TTLL11: variants seen among roughly 807,000 people sequenced by gnomAD.
The protein encoded by TTLL11 is tubulin polyglutamylase TTLL11.
In TTLL11, 42 loss-of-function variants were observed where a neutral mutation model predicts 51.7. The observed-to-expected ratio is 0.81, with a 90% CI of 0.64 to 1.05. The LOEUF (loss-of-function observed/expected upper bound fraction) is 1.05. TTLL11 is among the 50% of genes least tolerant of loss of function. TTLL11 has a pLI of 0.00. For synonymous variants in TTLL11, 381 were observed against 383.5 expected (o/e 0.99, Z 0.08); for missense variants, 799 against 940.4 (o/e 0.85, Z 1.97).
At chr9:122,076,593 A>G (rs1845866415) in intron 1 of TTLL11, among the ~76,000 whole-genome samples, 1 of 152,184 alleles carries the variant, frequency 6.6e-6, no homozygotes, top group South Asian at 2.1e-4. Context: ...CAAAAAATGT[A>G]GTTTTAAGTG....
chr9:121,974,243 A>T (rs898206128), intron 5 of TTLL11, 119 bp from the exon 6 acceptor site: 1 of 554,580 alleles, frequency 1.8e-6, no homozygotes, highest in Non-Finnish European at 3.1e-6. Flanking sequence ...ATAGAAGAAA[A>T]TTTTTAAAGA....
chr9:121,872,903 G>T (rs1288255755), intron 6 of TTLL11, among the ~76,000 whole-genome samples: 1 of 152,218 alleles, frequency 6.6e-6, no homozygotes, highest in East Asian at 1.9e-4. Flanking sequence ...CTGCTAAAAT[G>T]ATTTTGTCAT....
intron 1 of TTLL11, among the ~76,000 whole-genome samples, chr9:122,083,941 T>G (rs1846058151): frequency 1.3e-5 from 2 of 152,238 alleles, no homozygotes; most frequent in African/African-American, 4.8e-5. Flanking sequence ...GTTTTTATTT[T>G]ATATGCTTGG....
intron 3 of TTLL11, among the ~76,000 whole-genome samples, chr9:122,003,472 T>C (rs1287500261): frequency 6.7e-6 from 1 of 149,742 alleles, no homozygotes; most frequent in African/African-American, 2.5e-5. Context: ...AATCGAAATA[T>C]GCATACGTTC....
intron 1 of TTLL11, among the ~76,000 whole-genome samples, chr9:122,088,328 G>C (rs1846180606): frequency 6.6e-6 from 1 of 152,172 alleles, no homozygotes; most frequent in Non-Finnish European, 1.5e-5. Flanking sequence ...GTAACTGTTT[G>C]TTTGCATGTA....
intron 6 of TTLL11, among the ~76,000 whole-genome samples, chr9:121,972,134 G>GA (rs71371905): frequency 0.02 from 2,313 of 115,700 alleles, 47 homozygotes; most frequent in African/African-American, 0.061. Flanking sequence ...GTATGAAAAA[G>GA]AAAAAAAAAA....
At chr9:121,884,368 C>G (rs72764092) in intron 6 of TTLL11, among the ~76,000 whole-genome samples, 1 of 152,196 alleles carries the variant, frequency 6.6e-6, no homozygotes, top group Non-Finnish European at 1.5e-5. Flanking sequence ...AAAACAAAAG[C>G]GACTCTTTTA....
intron 3 of TTLL11, among the ~76,000 whole-genome samples, chr9:122,002,817 A>G (rs942105523): frequency 6.6e-6 from 1 of 151,848 alleles, no homozygotes; most frequent in African/African-American, 2.4e-5. Context: ...GTGGTGGCGC[A>G]TGCCTATAGT....
At chr9:121,831,148 G>A (rs777261451) in intron 8 of TTLL11, among the ~76,000 whole-genome samples, 26 of 152,210 alleles carry the variant, frequency 1.7e-4, no homozygotes, top group Non-Finnish European at 1.5e-4. Flanking sequence ...ACCTCAGGCC[G>A]AGGAAACTGG....
intron 7 of TTLL11, among the ~76,000 whole-genome samples, chr9:121,866,375 T>A (rs1302095092): frequency 1.3e-5 from 2 of 151,894 alleles, no homozygotes; most frequent in African/African-American, 2.4e-5. Context: ...AAAAGAAAAA[T>A]CCGGCCGGGT....
chr9:122,092,384 A>T (rs1337673287), intron 1 of TTLL11, among the ~76,000 whole-genome samples: 1 of 152,188 alleles, frequency 6.6e-6, no homozygotes, highest in Non-Finnish European at 1.5e-5. Flanking sequence ...GAGGAGACAG[A>T]CGTACACATA....
At chr9:121,876,977 C>T (rs752659660) in intron 6 of TTLL11, among the ~76,000 whole-genome samples, 32 of 152,340 alleles carry the variant, frequency 2.1e-4, no homozygotes, top group Admixed American at 5.2e-4. Flanking sequence ...GGCATAGAGA[C>T]AGGCAGCTTT....
rs139884725 is a variant in TTLL11, at chr9:121,825,193, G to A, written c.1841-2314C>T. ...GGGCCAGGCCTCTCATAGGGTGGGC[G>A]TGTGCCCGTGCAAGTATGTGCATCT... is the stretch of plus-strand genomic sequence containing the variant. On this transcript the variant is annotated intron_variant, in intron 8 of 8. Coordinates refer to ENST00000321582, the MANE Select transcript of TTLL11 (RefSeq NM_001139442.2). Among the ~76,000 whole-genome samples the A allele has an allele frequency of 4.0e-3, 605 of 152,290 alleles. 9 individuals are homozygous for A. The highest frequency in any genetic ancestry group is 0.014 in the African/African-American group (569 of 41,554).
chr9:121,876,968 G>A (rs1838589214), intron 6 of TTLL11, among the ~76,000 whole-genome samples: 2 of 152,210 alleles, frequency 1.3e-5, no homozygotes, highest in Admixed American at 1.3e-4. Context: ...GTTGTAATGG[G>A]CATAGAGACA....
intron 1 of TTLL11, among the ~76,000 whole-genome samples, chr9:122,056,460 G>C (rs908705350): frequency 1.3e-5 from 2 of 151,916 alleles, no homozygotes; most frequent in Admixed American, 6.6e-5. Flanking sequence ...CCTAAACTCA[G>C]AGCAATTAAA....
intron 6 of TTLL11, among the ~76,000 whole-genome samples, chr9:121,903,592 T>C (rs1377519922): frequency 1.3e-5 from 2 of 152,240 alleles, no homozygotes; most frequent in South Asian, 4.1e-4. Flanking sequence ...TGTAAGGTTG[T>C]TGTGAAGATT....
chr9:121,911,608 A>T (rs958274510), intron 6 of TTLL11, among the ~76,000 whole-genome samples: 2 of 147,874 alleles, frequency 1.4e-5, no homozygotes, highest in African/African-American at 5.4e-5. Flanking sequence ...ATGAAGCCAT[A>T]AAAAAGAATT....
intron 1 of TTLL11, among the ~76,000 whole-genome samples, chr9:122,050,345 C>T (rs73662575): frequency 3.9e-5 from 6 of 152,148 alleles, no homozygotes; most frequent in African/African-American, 1.4e-4. Flanking sequence ...TGAGTAAGGA[C>T]ACTGCGGTGT....
At chr9:121,827,507 A>C (rs1836849911) in intron 8 of TTLL11, among the ~76,000 whole-genome samples, 1 of 152,088 alleles carries the variant, frequency 6.6e-6, no homozygotes, top group Admixed American at 6.6e-5. Flanking sequence ...TCCCCCTCCA[A>C]AAAGAAACTG....
Sources: gnomAD v4.1 joint callset for allele counts (sites outside exome capture counted in the v4.1 genomes callset) on GRCh38, gnomAD v4.1.1 for gene constraint, MANE v1.5 for transcripts, NCBI Gene and HGNC (gene_info 2026-07-23, HGNC 2026-07-21) for gene names.